The following FBXO24 variants were observed in gnomAD, a reference collection of about 807,000 sequenced individuals.
FBXO24 encodes F-box only protein 24.
In FBXO24, 30 loss-of-function variants were observed where a neutral mutation model predicts 63.5. The observed-to-expected ratio is 0.47, with a 90% CI of 0.35 to 0.64. The LOEUF is 0.64. Ranked by LOEUF, FBXO24 falls within the 30% of genes least tolerant of loss-of-function variation. FBXO24 has a pLI of 0.00. For missense variants in FBXO24, 624 were observed against 763.4 expected (o/e 0.82, Z 2.15); for synonymous variants, 300 against 305.0 (o/e 0.98, Z 0.17).
At chr7:100,593,114 C>T in intron 5 of FBXO24, 97 bp downstream of exon 5, 2 of 885,028 alleles carry the variant, frequency 2.3e-6, no homozygotes, top group South Asian at 3.0e-5. Flanking sequence ...GACTGGGTTC[C>T]ATATGCCACC....
intron 8 of FBXO24, 127 bp from the exon 9 acceptor site, chr7:100,599,904 C>T (rs1802502651): frequency 1.9e-6 from 2 of 1,055,986 alleles, no homozygotes; most frequent in South Asian, 3.1e-5. Context: ...GGGCGTGGGA[C>T]AGTGCTGGCT....
intron 3 of FBXO24, 129 bp from the exon 4 acceptor site, chr7:100,591,538 G>C (rs1802027089): frequency 2.6e-6 from 2 of 767,672 alleles, no homozygotes; most frequent in South Asian, 1.7e-5. Flanking sequence ...TAAGGGGTCT[G>C]TTTGTTCCCC....
In FBXO24 at chr7:100,589,557, GA is replaced by G. The variant is rs1178849327; in HGVS notation, c.40-419del. On this transcript the variant is annotated intron_variant, in intron 1 of 9. Transcript: ENST00000241071. Reference sequence around the variant, plus strand: ...AGTGGCCAAACAGTGAGGTCACAGAGAGGTTTGTTAGCCCCAGACTCCATGG... The same window carrying G: ...AGTGGCCAAACAGTGAGGTCACAGAGGGTTTGTTAGCCCCAGACTCCATGG... The G allele has an allele frequency of 2.8e-6, 4 of 1,419,760 alleles. No individual in the cohort carries two copies. In the East Asian group the frequency reaches 7.7e-5, roughly 27 times the overall value. The allele number at this position is 1,419,760 out of a possible 1,614,324, so 87.9% of individuals were successfully genotyped here.
intron 1 of FBXO24, among the ~76,000 whole-genome samples, chr7:100,586,986 G>T (rs1182506535): frequency 6.6e-6 from 1 of 152,236 alleles, no homozygotes; most frequent in Non-Finnish European, 1.5e-5. Context: ...GCGTTGCACG[G>T]TCTGCCGTCT....
intron 8 of FBXO24, among the ~76,000 whole-genome samples, chr7:100,595,917 C>A (rs1802284519): frequency 6.6e-6 from 1 of 152,152 alleles, no homozygotes; most frequent in African/African-American, 2.4e-5. Flanking sequence ...ACTGTAAATG[C>A]AATAGGAATT....
Position 100,595,229 on chromosome 7 carries a change from C to T in FBXO24, c.1074+6C>T. Reference sequence around the variant, plus strand: ...CTCTCTCACTGCCTGCCAAGGTAGGCTCCTGGAGGGACGGGGCAAACCAGA... The same window carrying T: ...CTCTCTCACTGCCTGCCAAGGTAGGTTCCTGGAGGGACGGGGCAAACCAGA... On this transcript the variant is annotated splice_donor_region_variant and intron_variant, in intron 7 of 9. Coordinates refer to ENST00000241071, the MANE Select transcript of FBXO24 (RefSeq NM_033506.3). 6.2e-7 allele frequency: 1 copy of T among 1,614,126 alleles called. No individual in the cohort carries two copies. Among genetic ancestry groups the T allele is most frequent in the Non-Finnish European group, 8.5e-7 (1 of 1,180,010 alleles).
At chr7:100,591,549 T>C in intron 3 of FBXO24, 118 bp from the exon 4 acceptor site, 2 of 833,646 alleles carry the variant, frequency 2.4e-6, no homozygotes, top group East Asian at 5.1e-5. Flanking sequence ...TTTGTTCCCC[T>C]GTCCTGGGGA....
rs1378651997 is a variant in FBXO24 at position 100,594,045 on chromosome 7, C to G, written c.794-338C>G. On this transcript the variant is annotated intron_variant, in intron 5 of 9. Coordinates refer to ENST00000241071, the MANE Select transcript of FBXO24 (RefSeq NM_033506.3). The surrounding 1 kb of genome is among the most constrained non-coding windows in gnomAD (Gnocchi z 4.2). ...CAAGTGATCCTCCTGCCTTGGCCTC[C>G]CAAAGTGCTGGGATTACAGGTGTGA... Among the ~76,000 whole-genome samples, 2 of 152,096 alleles carry G rather than the reference C, an allele frequency of 1.3e-5. No individual in the cohort carries two copies. The highest frequency in any genetic ancestry group is 3.9e-4 in the East Asian group (2 of 5,192).
intron 1 of FBXO24, among the ~76,000 whole-genome samples, chr7:100,588,780 T>C (rs907217284): frequency 6.6e-5 from 10 of 152,232 alleles, no homozygotes; most frequent in African/African-American, 2.4e-4. Context: ...TTGTCCTTTA[T>C]ACATGCAATG....
intron 4 of FBXO24, among the ~76,000 whole-genome samples, 191 bp from the exon 5 acceptor site, chr7:100,592,592 G>C (rs1802084399): frequency 6.6e-6 from 1 of 152,060 alleles, no homozygotes; most frequent in African/African-American, 2.4e-5. Context: ...TCTCTTTTGA[G>C]GACCCAGGCC....
intron 1 of FBXO24, chr7:100,589,708 A>T (rs1191571426): frequency 6.5e-7 from 1 of 1,546,376 alleles, no homozygotes; most frequent in South Asian, 1.2e-5. Flanking sequence ...AGGAGCAGGG[A>T]GGGGGCAATC....
In FBXO24 at chr7:100,595,420, G is replaced by C. The variant is rs537294249; in HGVS notation, c.1075-155G>C. On this transcript the variant is annotated intron_variant, in intron 7 of 9. Transcript: ENST00000241071. Reference sequence around the variant, plus strand: ...GTATCGCTTGAGCCCAGGAGCTCTAGACCAGCCTGGGCAACATAGTGAGAT... The same window carrying C: ...GTATCGCTTGAGCCCAGGAGCTCTACACCAGCCTGGGCAACATAGTGAGAT... Among the ~76,000 whole-genome samples the C allele has an allele frequency of 1.7e-3, 262 of 152,198 alleles. 2 individuals are homozygous for C. The highest frequency in any genetic ancestry group is 6.0e-3 in the African/African-American group (251 of 41,498).
rs1584427601 is a variant in FBXO24 at position 100,594,245 on chromosome 7, T to G, written c.794-138T>G. 1 of 893,466 alleles carries G rather than the reference T, an allele frequency of 1.1e-6. No homozygotes were observed. The highest frequency in any genetic ancestry group is 1.6e-6 in the Non-Finnish European group (1 of 606,082). The allele number at this position is 893,466 out of a possible 1,614,324, so 55.3% of individuals were successfully genotyped here. On this transcript the variant is annotated intron_variant, in intron 5 of 9. Coordinates refer to ENST00000241071, the MANE Select transcript of FBXO24 (RefSeq NM_033506.3). This position sits in a 1 kb window ranked among gnomAD's most constrained non-coding sequence, Gnocchi z 4.2. Reference sequence around the variant, plus strand: ...GAACTGGAGTCTGGGGGACTTGGGGTCACTCTTCCCTTATTTCTTTCTCAG... The same window carrying G: ...GAACTGGAGTCTGGGGGACTTGGGGGCACTCTTCCCTTATTTCTTTCTCAG...
intron 8 of FBXO24, among the ~76,000 whole-genome samples, chr7:100,597,233 G>A (rs1802354822): frequency 6.6e-6 from 1 of 152,084 alleles, no homozygotes; most frequent in South Asian, 2.1e-4. Flanking sequence ...TGTCCCAGAA[G>A]CCACATGAGA....
chr7:100,589,824 G>T (rs1801917217), intron 1 of FBXO24, 153 bp from the exon 2 acceptor site: 2 of 1,516,660 alleles, frequency 1.3e-6, no homozygotes, highest in Non-Finnish European at 1.8e-6. Flanking sequence ...GAGATCGGGA[G>T]GAGTTATTTG....
At position 100,586,574 on chromosome 7, in the gene FBXO24, A is replaced by G. The variant is rs1210840737; in HGVS notation, c.-52A>G. On this transcript the variant is annotated 5_prime_UTR_variant, in exon 1 of 10. Transcript: ENST00000241071. Reference sequence around the variant, plus strand: ...CAAGAAGGCCAATTAGAGCCTCCGAAGGGAATCTGGACCTGCCTCTTCTCT... The same window carrying G: ...CAAGAAGGCCAATTAGAGCCTCCGAGGGGAATCTGGACCTGCCTCTTCTCT... 3.1e-6 allele frequency: 5 copies of G among 1,600,906 alleles called. No homozygotes were observed. The highest frequency in any genetic ancestry group is 4.3e-6 in the Non-Finnish European group (5 of 1,168,376).
rs185938035 is a variant in FBXO24 at position 100,599,118 on chromosome 7, G to A, written c.1207-913G>A. 3.3e-5 allele frequency among the ~76,000 whole-genome samples: 5 copies of A among 152,288 alleles called. No homozygotes were observed. In the East Asian group the frequency reaches 9.6e-4, roughly 29 times the overall value. ...AAATTATAGGCACATGCCGGGTGTG[G>A]TGGCACATGCCTGTATTCCCAACTA... On this transcript the variant is annotated intron_variant, in intron 8 of 9. Transcript: ENST00000241071.
At chr7:100,587,197 C>T (rs777277363) in intron 1 of FBXO24, among the ~76,000 whole-genome samples, 1 of 152,226 alleles carries the variant, frequency 6.6e-6, no homozygotes, top group Non-Finnish European at 1.5e-5. Context: ...GTCTCTGGAT[C>T]CTCCACGCAC....
At chr7:100,597,859 G>A (rs948870218) in intron 8 of FBXO24, among the ~76,000 whole-genome samples, 69 of 150,776 alleles carry the variant, frequency 4.6e-4, no homozygotes, top group African/African-American at 1.6e-3. Context: ...GCGCCACTAC[G>A]CCCAGATAAG....
Sources: gnomAD v4.1 joint callset for allele counts (sites outside exome capture counted in the v4.1 genomes callset) on GRCh38, gnomAD v4.1.1 for gene constraint, Gnocchi (gnomAD v3.1) non-coding constraint, MANE v1.5 for transcripts, NCBI Gene and HGNC (gene_info 2026-07-23, HGNC 2026-07-21) for gene names.